The following ADAP1 variants were observed in gnomAD, a reference collection of about 807,000 sequenced individuals.
ADAP1 encodes the protein ArfGAP with dual PH domains 1.
Under a neutral mutation model 54.9 loss-of-function variants are expected in ADAP1, and 31 were observed. The ratio of observed to expected loss-of-function variants is 0.56; its 90% CI spans 0.42 to 0.76. The LOEUF is 0.76. Among genes scored for constraint, ADAP1 ranks in the 30% least tolerant of loss-of-function variants. The pLI, the probability that ADAP1 is intolerant of heterozygous loss-of-function variation, is 0.00. For missense variants in ADAP1, 535 were observed against 512.4 expected (o/e 1.04, Z -0.42); for synonymous variants, 313 against 202.6 (o/e 1.55, Z -4.63).
intron 1 of ADAP1, among the ~76,000 whole-genome samples, chr7:935,781 C>A (rs1471812299): frequency 6.6e-6 from 1 of 152,152 alleles, no homozygotes; most frequent in African/African-American, 2.4e-5. Context: ...CCGGGAACCT[C>A]CAGCAGAGGC....
chr7:931,998 C>T (rs889009537), intron 2 of ADAP1, among the ~76,000 whole-genome samples: 7 of 152,174 alleles, frequency 4.6e-5, no homozygotes, highest in Non-Finnish European at 7.4e-5. Context: ...GTGCAGCTCC[C>T]GCCCCACAGA....
chr7:947,773 C>T (rs756067424), intron 1 of ADAP1, among the ~76,000 whole-genome samples: 1 of 152,044 alleles, frequency 6.6e-6, no homozygotes, highest in African/African-American at 2.4e-5. Context: ...GACCCTGTGA[C>T]GCGTCGTGGG....
intron 4 of ADAP1, among the ~76,000 whole-genome samples, chr7:907,441 T>C (rs968290228): frequency 3.9e-5 from 6 of 152,036 alleles, no homozygotes; most frequent in African/African-American, 9.7e-5. Flanking sequence ...CTCTGCCCAC[T>C]CCGAGTCTCG....
chr7:899,308 C>T, intron 9 of ADAP1, 47 bp from the exon 10 acceptor site: 1 of 1,608,684 alleles, frequency 6.2e-7, no homozygotes, highest in South Asian at 1.1e-5. Context: ...CCCTTCCAGC[C>T]CCGCTTCACT....
At chr7:917,335 T>G (rs1583156331) in intron 4 of ADAP1, among the ~76,000 whole-genome samples, 18 of 47,408 alleles carry the variant, frequency 3.8e-4, no homozygotes, top group Admixed American at 5.0e-4. Flanking sequence ...ACCGGGGAGG[T>G]GCACGGGAGG....
intron 1 of ADAP1, among the ~76,000 whole-genome samples, chr7:940,338 A>T (rs1304692026): frequency 2.2e-5 from 2 of 91,552 alleles, no homozygotes; most frequent in South Asian, 6.9e-4. Context: ...TGTCACACAC[A>T]CACACACACA....
At chr7:936,264 G>A (rs561371296) in intron 1 of ADAP1, among the ~76,000 whole-genome samples, 2 of 152,158 alleles carry the variant, frequency 1.3e-5, no homozygotes, top group African/African-American at 4.8e-5. Context: ...ATGATGGCAC[G>A]ATCTCGGCTC....
chr7:928,705 G>A (rs1294046355), intron 2 of ADAP1, among the ~76,000 whole-genome samples: 1 of 152,228 alleles, frequency 6.6e-6, no homozygotes, highest in African/African-American at 2.4e-5. Context: ...TGGCACAGGG[G>A]AGTGAGCTGG....
chr7:948,200 C>T (rs1847189933), intron 1 of ADAP1, among the ~76,000 whole-genome samples: 1 of 152,008 alleles, frequency 6.6e-6, no homozygotes, highest in South Asian at 2.1e-4. Flanking sequence ...ATGTCTGTCC[C>T]TCCCTCCTCA....
chr7:926,837 G>T lies in ADAP1; in HGVS notation c.214-193C>A. The T allele has an allele frequency of 2.6e-6, 2 of 762,772 alleles. No individual in the cohort carries two copies. The highest frequency in any genetic ancestry group is 4.0e-6 in the Non-Finnish European group (2 of 502,580). The allele number at this position is 762,772 out of a possible 1,614,324, so 47.3% of individuals were successfully genotyped here. On this transcript the variant is annotated intron_variant, in intron 2 of 10. Coordinates refer to ENST00000265846, the MANE Select transcript of ADAP1 (RefSeq NM_006869.4). The surrounding 1 kb of genome is among the most constrained non-coding windows in gnomAD (Gnocchi z 4.6). ...TTCTGAGTGATCGACCCTCCCCTGGGACAGGGAAGGAGCCAGCGTCCCTAA... is the reference window on the plus strand; with the variant it reads ...TTCTGAGTGATCGACCCTCCCCTGGTACAGGGAAGGAGCCAGCGTCCCTAA...
At chr7:909,124 T>G (rs963593873) in intron 4 of ADAP1, among the ~76,000 whole-genome samples, 20 of 139,708 alleles carry the variant, frequency 1.4e-4, no homozygotes, top group Admixed American at 5.0e-4. Context: ...GGAACCCCGG[T>G]CCTCCCGACA....
chr7:935,246 A>G (rs1468257148), intron 2 of ADAP1, 129 bp downstream of exon 2: 1 of 1,339,114 alleles, frequency 7.5e-7, no homozygotes, highest in Non-Finnish European at 1.0e-6. Flanking sequence ...GGGTCCAGCC[A>G]GCCAGGCCCC....
intron 3 of ADAP1, among the ~76,000 whole-genome samples, chr7:921,554 A>G (rs1017561263): frequency 3.9e-5 from 6 of 152,208 alleles, no homozygotes; most frequent in Admixed American, 6.5e-5. Context: ...CCTGAGGCCA[A>G]TCCTCCCACC....
intron 4 of ADAP1, among the ~76,000 whole-genome samples, chr7:919,630 G>C (rs976038659): frequency 1.7e-4 from 23 of 133,450 alleles, no homozygotes; most frequent in Admixed American, 1.3e-3. Context: ...GACATGAAGA[G>C]AGAGTAAGAG....
chr7:909,420 G>A (rs1474616904), intron 4 of ADAP1, among the ~76,000 whole-genome samples: 1 of 138,036 alleles, frequency 7.2e-6, no homozygotes, highest in African/African-American at 3.0e-5. Flanking sequence ...GGCGCCAGCG[G>A]GAACCCCGGT....
chr7:902,774 G>A (rs987537474), intron 6 of ADAP1, among the ~76,000 whole-genome samples: 10 of 152,102 alleles, frequency 6.6e-5, no homozygotes, highest in African/African-American at 1.9e-4. Flanking sequence ...ATGAAAAGAC[G>A]AGGGACCCTT....
At chr7:944,114 G>A (rs144534976) in intron 1 of ADAP1, among the ~76,000 whole-genome samples, 170 of 152,084 alleles carry the variant, frequency 1.1e-3, no homozygotes, top group Middle Eastern at 6.8e-3. Context: ...ACAAGGTATT[G>A]CTATATTGCC....
chr7:930,101 C>CA (rs1170304660), intron 2 of ADAP1, among the ~76,000 whole-genome samples: 13,591 of 33,286 alleles, frequency 0.41, 4,627 homozygotes, highest in East Asian at 0.66. Context: ...AAGACTGTCT[C>CA]AAAAAAAAAA....
chr7:949,468 G>C (rs905956182), intron 1 of ADAP1, among the ~76,000 whole-genome samples: 16 of 152,386 alleles, frequency 1.0e-4, no homozygotes, highest in South Asian at 2.1e-4. Flanking sequence ...AGTCTAAAAC[G>C]GCAGTGGCCT....
Sources: allele counts gnomAD v4.1 joint callset (sites outside exome capture counted in the v4.1 genomes callset), GRCh38; gene constraint gnomAD v4.1.1; non-coding constraint Gnocchi (gnomAD v3.1); transcripts MANE v1.5; gene names NCBI Gene and HGNC (gene_info 2026-07-23, HGNC 2026-07-21).